The following TSN variants were observed in gnomAD, a reference collection of about 807,000 sequenced individuals.
The protein encoded by TSN is translin, also known as component 3 of promoter of RISC.
Under a neutral mutation model 29.4 loss-of-function variants are expected in TSN, and 5 were observed. The ratio of observed to expected loss-of-function variants is 0.17; its 90% CI spans 0.09 to 0.36. The LOEUF is 0.36. TSN is among the 10% of genes least tolerant of loss of function. The pLI is 1.00. For synonymous variants in TSN, 106 were observed against 102.2 expected (o/e 1.04, Z -0.23); for missense variants, 159 against 272.8 (o/e 0.58, Z 2.94).
chr2:121,761,667 A>G, intron 4 of TSN, 143 bp downstream of exon 4: 1 of 661,718 alleles, frequency 1.5e-6, no homozygotes, highest in Admixed American at 2.6e-5. Flanking sequence ...TCTGAGGATG[A>G]TGCTTCCAGA....
rs1264707696 is a variant in TSN at position 121,766,204 on chromosome 2, TG to T, written c.*840del. On this transcript the variant is annotated 3_prime_UTR_variant, in exon 6 of 6. Transcript: ENST00000389682. ...TAGTAGTCAGCTAGATCATTTGTTC[TG>T]GGAGTATAAAGCCACCCACGTAAGT... 1 of 152,262 alleles carries T rather than the reference TG, an allele frequency of 6.6e-6. No homozygotes were observed. The highest frequency in any genetic ancestry group is 2.4e-5 in the African/African-American group (1 of 41,472). The allele number at this position is 152,262 out of a possible 1,614,324, so 9.4% of individuals were successfully genotyped here.
At chr2:121,755,966 C>T (rs1286482062) in intron 1 of TSN, 121 bp downstream of exon 1, 14 of 1,534,268 alleles carry the variant, frequency 9.1e-6, no homozygotes, top group East Asian at 4.8e-5. Context: ...GGGTTGCTTC[C>T]CCTCTAGCTT....
rs1438965741 is a variant in TSN at position 121,766,566 on chromosome 2, G to A, written c.*1199G>A. On this transcript the variant is annotated 3_prime_UTR_variant, in exon 6 of 6. Transcript: ENST00000389682. ...AGTCATGTTTTAAATGTACAGTTTGGGGCAAGTCATGTAAATACTGTTGGT... is the reference window on the plus strand; with the variant it reads ...AGTCATGTTTTAAATGTACAGTTTGAGGCAAGTCATGTAAATACTGTTGGT... 6.6e-6 allele frequency: 1 copy of A among 152,134 alleles called. No individual in the cohort carries two copies. The highest frequency in any genetic ancestry group is 1.5e-5 in the Non-Finnish European group (1 of 68,022). 9.4% of individuals were successfully genotyped at this position (152,134 alleles called of 1,614,324 possible).
chr2:121,766,453 A>T lies in TSN; in HGVS notation c.*1086A>T, dbSNP rs946485809. 3 of 152,200 alleles carry T rather than the reference A, an allele frequency of 2.0e-5. No individual in the cohort carries two copies. Among genetic ancestry groups the T allele is most frequent in the Non-Finnish European group, 4.4e-5 (3 of 68,048 alleles). The allele number at this position is 152,200 out of a possible 1,614,324, so 9.4% of individuals were successfully genotyped here. On this transcript the variant is annotated 3_prime_UTR_variant, in exon 6 of 6. Transcript: ENST00000389682. ...ACTCCATCTCTATATAAAAACAAAA[A>T]CCACGAAAGCACACACAAAATAAAT...
intron 3 of TSN, among the ~76,000 whole-genome samples, chr2:121,759,395 G>A (rs1318693807): frequency 1.3e-5 from 2 of 152,108 alleles, no homozygotes; most frequent in South Asian, 2.1e-4. Flanking sequence ...GATCACCTGA[G>A]GTCAGGAGTT....
At chr2:121,762,018 G>A (rs1400876883) in intron 4 of TSN, among the ~76,000 whole-genome samples, 2 of 147,716 alleles carry the variant, frequency 1.4e-5, no homozygotes. Context: ...CCGAAATGGA[G>A]TTTTGCTCTT....
At chr2:121,756,507 C>G in intron 1 of TSN, 1 of 460,710 alleles carries the variant, frequency 2.2e-6, no homozygotes, top group South Asian at 1.9e-5. Context: ...AAAAAATCTT[C>G]TCCCTCATTG....
intron 4 of TSN, among the ~76,000 whole-genome samples, chr2:121,762,009 C>T (rs1206554661): frequency 1.4e-4 from 20 of 147,700 alleles, no homozygotes; most frequent in African/African-American, 4.0e-4. Flanking sequence ...TTTTTTTTTC[C>T]GAAATGGAGT....
intron 4 of TSN, among the ~76,000 whole-genome samples, chr2:121,761,964 C>T (rs1325459355): frequency 6.7e-6 from 1 of 149,914 alleles, no homozygotes; most frequent in African/African-American, 2.5e-5. Flanking sequence ...ATTACAGGTG[C>T]CTGCCACTAT....
intron 3 of TSN, 21 bp from the exon 4 acceptor site, chr2:121,761,388 A>T (rs926971704): frequency 8.2e-6 from 13 of 1,592,028 alleles, no homozygotes; most frequent in Non-Finnish European, 1.1e-5. Context: ...TTGGAGGCTA[A>T]ATGTGCTTAT....
In TSN at chr2:121,761,542, T is replaced by C. The variant is rs1479211594; in HGVS notation, c.373+18T>C. The C allele has an allele frequency of 2.5e-6, 4 of 1,570,668 alleles. No homozygotes were observed. The highest frequency in any genetic ancestry group is 3.5e-6 in the Non-Finnish European group (4 of 1,140,470). On this transcript the variant is annotated intron_variant, in intron 4 of 5. Transcript: ENST00000389682. ...TCTTGGCAGTAAGTGTCTTTATTAG[T>C]GGGATCTGCAGAATCAGGCATGGTT...
chr2:121,761,272 C>T, intron 3 of TSN, 137 bp from the exon 4 acceptor site: 1 of 627,836 alleles, frequency 1.6e-6, no homozygotes, highest in South Asian at 2.0e-5. Flanking sequence ...TCATATTTCT[C>T]TTTATATATT....
chr2:121,756,509 C>T (rs557729077), intron 1 of TSN: 4 of 484,586 alleles, frequency 8.3e-6, no homozygotes, highest in Non-Finnish European at 1.4e-5. Context: ...AAAATCTTCT[C>T]CCTCATTGTA....
chr2:121,764,607 C>T (rs991584579), intron 5 of TSN, among the ~76,000 whole-genome samples: 1 of 151,500 alleles, frequency 6.6e-6, no homozygotes, highest in Non-Finnish European at 1.5e-5. Flanking sequence ...ATACTGACAC[C>T]GAGAAGGGGA....
intron 4 of TSN, 98 bp from the exon 5 acceptor site, chr2:121,762,907 C>CT (rs2106456260): frequency 1.8e-6 from 2 of 1,115,904 alleles, no homozygotes; most frequent in Non-Finnish European, 2.5e-6. Flanking sequence ...AAGATTCATC[C>CT]TTTCTTCACT....
Position 121,765,417 on chromosome 2 carries a change from G to T in TSN, c.*50G>T. 2.5e-6 allele frequency: 4 copies of T among 1,572,104 alleles called. No individual in the cohort carries two copies. The highest frequency in any genetic ancestry group is 1.1e-5 in the South Asian group (1 of 89,878). On this transcript the variant is annotated 3_prime_UTR_variant, in exon 6 of 6. Coordinates refer to ENST00000389682, the MANE Select transcript of TSN (RefSeq NM_004622.3). Reference sequence around the variant, plus strand: ...GCTGACCTCAGCGGTTGCCAGGAAGGGGTGAGCACAGAGTGCCTCTTACGG... The same window carrying T: ...GCTGACCTCAGCGGTTGCCAGGAAGTGGTGAGCACAGAGTGCCTCTTACGG...
At chr2:121,757,491 CT>C in intron 2 of TSN, 158 bp downstream of exon 2, 6 of 1,381,304 alleles carry the variant, frequency 4.3e-6, no homozygotes, top group Non-Finnish European at 6.0e-6. Context: ...TTTTCTTCCA[CT>C]TCCACACAGT....
At chr2:121,763,510 C>T (rs928942290) in intron 5 of TSN, among the ~76,000 whole-genome samples, 4 of 152,118 alleles carry the variant, frequency 2.6e-5, no homozygotes, top group East Asian at 1.9e-4. Context: ...AGCCATCTCT[C>T]GGTCACCAGG....
At chr2:121,762,896 A>G (rs1481588829) in intron 4 of TSN, 109 bp from the exon 5 acceptor site, 1 of 1,044,200 alleles carries the variant, frequency 9.6e-7, no homozygotes, top group Non-Finnish European at 1.3e-6. Flanking sequence ...CCAGTTTTTA[A>G]AAGATTCATC....
Sources: allele counts gnomAD v4.1 joint callset (sites outside exome capture counted in the v4.1 genomes callset), GRCh38; gene constraint gnomAD v4.1.1; transcripts MANE v1.5; gene names NCBI Gene and HGNC (gene_info 2026-07-23, HGNC 2026-07-21).